The following CES2 variants were observed in gnomAD, a reference collection of about 807,000 sequenced individuals.
CES2 encodes cocaine esterase.
A neutral mutation model predicts 52.1 loss-of-function variants in CES2; 42 were observed. The ratio of observed to expected loss-of-function variants is 0.81; its 90% CI spans 0.63 to 1.04. The LOEUF is 1.04. CES2 is among the 50% of genes least tolerant of loss of function. The pLI is 0.00. For synonymous variants in CES2, 277 were observed against 289.6 expected, an observed-to-expected ratio of 0.96 and a Z score of 0.44; for missense variants, 656 against 724.3, an observed-to-expected ratio of 0.91 and a Z score of 1.08.
Position 66,935,685 on chromosome 16 carries a change from T to G in CES2, c.50T>G (p.Leu17Arg). Reference protein sequence around the residue: ...RARLSAVACGLLLLLVRGQGQ... With the variant: ...RARLSAVACGRLLLLVRGQGQ... ...CGGCTGAGCGCGGTGGCCTGTGGGC[T>G]TCTGCTGCTTCTTGTCCGGGGCCAG... is the stretch of plus-strand genomic sequence containing the variant. The change falls in exon 1 of 12, where the codon CTT becomes CGT. Residue 17 changes from leucine (L) to arginine (R), a missense_variant. By Grantham distance (102) the Leu-to-Arg change is moderately radical. Transcript: ENST00000317091. 1.2e-6 allele frequency: 2 copies of G among 1,601,348 alleles called. No homozygotes were observed. The highest frequency in any genetic ancestry group is 2.2e-5 in the South Asian group (2 of 91,064).
Position 66,943,642 on chromosome 16 carries a change from C to A in CES2, c.1494-197C>A. Reference sequence around the variant, plus strand: ...GAGAGGGACACAACAGAGCTGGCTGCCCTCCCCCAACCCCCACTGGTGCTG... The same window carrying A: ...GAGAGGGACACAACAGAGCTGGCTGACCTCCCCCAACCCCCACTGGTGCTG... On this transcript the variant is annotated intron_variant, in intron 11 of 11. Coordinates refer to ENST00000317091, the MANE Select transcript of CES2 (RefSeq NM_001365405.1). The surrounding 1 kb of genome is among the most constrained non-coding windows in gnomAD (Gnocchi z 4.2). 1.7e-6 allele frequency: 1 copy of A among 580,998 alleles called. No homozygotes were observed. 36.0% of individuals were successfully genotyped at this position (580,998 alleles called of 1,614,324 possible).
chr16:66,936,500 G>A (rs925060930), intron 1 of CES2, among the ~76,000 whole-genome samples: 11 of 152,130 alleles, frequency 7.2e-5, no homozygotes, highest in African/African-American at 2.7e-4. Flanking sequence ...ACTCCAGCCT[G>A]GGTGAAAAAG....
In CES2 at chr16:66,942,208, C is replaced by G; in HGVS notation, c.1241C>G (p.Ser414Cys). ...CAGTTCCAGGAGATGATGGCGGACTCCATGTTTGTGATCCCTGCACTCCAA... is the reference window on the plus strand; with the variant it reads ...CAGTTCCAGGAGATGATGGCGGACTGCATGTTTGTGATCCCTGCACTCCAA... ...QAQFQEMMADSMFVIPALQVA... is the reference protein window; with the variant it reads ...QAQFQEMMADCMFVIPALQVA... Residue 414 changes from serine to cysteine, a missense_variant, in exon 9 of 12, where the codon TCC (serine) becomes TGC (cysteine). Physicochemically the swap from Ser to Cys is moderately radical, Grantham distance 112. Transcript: ENST00000317091. The G allele has an allele frequency of 6.2e-7, 1 of 1,613,750 alleles. No homozygotes were observed. The highest frequency in any genetic ancestry group is 2.2e-5 in the East Asian group (1 of 44,866).
At chr16:66,940,099 G>A in intron 3 of CES2, 123 bp from the exon 4 acceptor site, 1 of 1,369,848 alleles carries the variant, frequency 7.3e-7, no homozygotes, top group Non-Finnish European at 1.0e-6. Context: ...CCCATGTAAT[G>A]AATTTGTGCT....
At chr16:66,940,388 T>A (rs1418472193) in intron 4 of CES2, 33 bp downstream of exon 4, 1 of 1,614,118 alleles carries the variant, frequency 6.2e-7, no homozygotes, top group Non-Finnish European at 8.5e-7. Flanking sequence ...CAACCCGGGC[T>A]GAGCGGGGCC....
At position 66,944,094 on chromosome 16, in the gene CES2, A is replaced by G. The variant is rs8192925; in HGVS notation, c.*69A>G. 43,067 of 746,258 alleles carry G rather than the reference A, an allele frequency of 0.058. 2,182 individuals carry two copies. Among genetic ancestry groups the G allele is most frequent in the East Asian group, 0.22 (7,471 of 34,012 alleles). 46.2% of individuals were successfully genotyped at this position (746,258 alleles called of 1,614,324 possible). A position where few individuals can be genotyped will look rare whatever the true frequency, so the allele number is the denominator to read the frequency against. On this transcript the variant is annotated 3_prime_UTR_variant, in exon 12 of 12. Transcript: ENST00000317091. ...GGGTCAGCCTGCTGTGCCCACACAC[A>G]CCCACTAAGGAGAAAGAAGTTGATT... is the stretch of plus-strand genomic sequence containing the variant.
chr16:66,937,974 C>A, intron 1 of CES2, 63 bp from the exon 2 acceptor site: 1 of 1,373,810 alleles, frequency 7.3e-7, no homozygotes, highest in East Asian at 2.3e-5. Flanking sequence ...GCAGCAATAC[C>A]AACAGTTGGG....
At chr16:66,936,850 G>C (rs1963229379) in intron 1 of CES2, among the ~76,000 whole-genome samples, 1 of 152,086 alleles carries the variant, frequency 6.6e-6, no homozygotes, top group Non-Finnish European at 1.5e-5. Flanking sequence ...CAGGAGCCCA[G>C]CAGGAAGATC....
chr16:66,939,328 G>C lies in CES2; in HGVS notation c.393G>C (p.Pro131=), dbSNP rs1415132985. 3.1e-6 allele frequency: 5 copies of C among 1,614,036 alleles called. No individual in the cohort carries two copies. Among genetic ancestry groups the C allele is most frequent in the Non-Finnish European group, 3.4e-6 (4 of 1,180,036 alleles). ...EDCLYLSIYT[P]AHSHEGSNLP... ...GCCTGTACCTCAGCATCTACACGCC[G>C]GCCCATAGCCATGAAGGCTCTAACC... is the stretch of plus-strand genomic sequence containing the variant. Residue 131 remains proline, a synonymous_variant, in exon 3 of 12, where the codon CCG becomes CCC. Transcript: ENST00000317091.
chr16:66,942,354 T>C lies in CES2; in HGVS notation c.1282+105T>C, dbSNP rs1963388378. 4 of 1,211,088 alleles carry C rather than the reference T, an allele frequency of 3.3e-6. No homozygotes were observed. The East Asian group carries it at 7.1e-5, about 21-fold the overall frequency. 75.0% of individuals were successfully genotyped at this position (1,211,088 alleles called of 1,614,324 possible). A position where few individuals can be genotyped will look rare whatever the true frequency, so the allele number is the denominator to read the frequency against. The stretch of plus-strand genomic sequence containing the variant: ...GGGTCAGCACTCATGTTTATTGGGC[T>C]CCGGGGACACTTGACATCCATCATT... On this transcript the variant is annotated intron_variant, in intron 9 of 11. Coordinates refer to ENST00000317091, the MANE Select transcript of CES2 (RefSeq NM_001365405.1).
intron 2 of CES2, 105 bp from the exon 3 acceptor site, chr16:66,939,112 G>A: frequency 1.1e-6 from 1 of 914,900 alleles, no homozygotes; most frequent in Non-Finnish European, 1.7e-6. Context: ...GTGTGAGCAG[G>A]ATATTGTGGG....
At chr16:66,942,454 A>G in intron 9 of CES2, 194 bp from the exon 10 acceptor site, 1 of 783,068 alleles carries the variant, frequency 1.3e-6, no homozygotes, top group Non-Finnish European at 2.0e-6. Context: ...GAAGTTAGGG[A>G]CCTTCAGTGA....
rs904979192 is a variant in CES2 at position 66,935,557 on chromosome 16, C to T, written c.-79C>T. The T allele has an allele frequency of 6.2e-7, 1 of 1,613,966 alleles. No homozygotes were observed. Among genetic ancestry groups the T allele is most frequent in the South Asian group, 1.1e-5 (1 of 91,090 alleles). On this transcript the variant is annotated 5_prime_UTR_variant, in exon 1 of 12. Transcript: ENST00000317091. The stretch of plus-strand genomic sequence containing the variant: ...CAAGGCTGGGCAAGGCACTGATCCA[C>T]TGCTGGACAGACCCGGGGCAGCCTC...
At chr16:66,940,747 C>T (rs1414789893) in intron 5 of CES2, 52 bp downstream of exon 5, 2 of 1,580,702 alleles carry the variant, frequency 1.3e-6, no homozygotes, top group Non-Finnish European at 8.6e-7. Flanking sequence ...CCTCATATCC[C>T]TCAGAGCCTC....
chr16:66,940,331 GCCTGGGTGT>G lies in CES2; in HGVS notation c.540_548del (p.Val181_Gly183del). 1 of 1,614,140 alleles carries G rather than the reference GCCTGGGTGT, an allele frequency of 6.2e-7. No homozygotes were observed. Among genetic ancestry groups the G allele is most frequent in the Non-Finnish European group, 8.5e-7 (1 of 1,180,020 alleles). On this transcript the variant is annotated inframe_deletion, in exon 4 of 12. Transcript: ENST00000317091. ...GTGGTGGTGGTCATCATCCAGTACCGCCTGGGTGTCCTGGGCTTCTTCAGGTGAGACTAG... is the reference window on the plus strand; with the variant it reads ...GTGGTGGTGGTCATCATCCAGTACCGCCTGGGCTTCTTCAGGTGAGACTAG...
Position 66,941,568 on chromosome 16 carries a change from G to C in CES2, c.978G>C (p.Leu326=), listed in dbSNP as rs1380911541. The C allele has an allele frequency of 6.2e-7, 1 of 1,614,148 alleles. No homozygotes were observed. ...TCCTGCCCAGGCACCCCCAGGAGCT[G>C]CTGGCCTCTGCCGACTTTCAGCCTG... is the stretch of plus-strand genomic sequence containing the variant. The part of the protein sequence containing the change: ...GVFLPRHPQE[L]LASADFQPVP... Residue 326 remains leucine (L), a synonymous_variant, in exon 7 of 12, where the codon CTG becomes CTC. Transcript: ENST00000317091.
rs1963264969 is a variant in CES2 at position 66,938,219 on chromosome 16, G to A, written c.259G>A (p.Asp87Asn). The change falls in exon 2 of 12, where the codon GAT becomes AAT. Residue 87 changes from aspartate to asparagine, a missense_variant. Asp to Asn is a conservative substitution (Grantham distance 23). Transcript: ENST00000317091. ...CCCTGAATCTTGGAGTGGTGTGAGG[G>A]ATGGAACCACCCATCCGGCCATGTA... ...EPPESWSGVR[D>N]GTTHPAMCLQ... The A allele has an allele frequency of 2.5e-6, 4 of 1,613,984 alleles. No individual in the cohort carries two copies. The highest frequency in any genetic ancestry group is 3.4e-6 in the Non-Finnish European group (4 of 1,179,844).
Position 66,942,713 on chromosome 16 carries a change from C to T in CES2, c.1348C>T (p.Pro450Ser). The T allele has an allele frequency of 1.2e-6, 2 of 1,614,238 alleles. No individual in the cohort carries two copies. Among genetic ancestry groups the T allele is most frequent in the Non-Finnish European group, 1.7e-6 (2 of 1,180,046 alleles). The change falls in exon 10 of 12, where the codon CCA (proline) becomes TCA (serine). Residue 450 changes from proline to serine, a missense_variant. Transcript: ENST00000317091. ...GCCCAGCTGGCTCAAGAACATCAGGCCACCGCACATGAAGGCAGACCATGG... is the reference window on the plus strand; with the variant it reads ...GCCCAGCTGGCTCAAGAACATCAGGTCACCGCACATGAAGGCAGACCATGG... ...HQPSWLKNIR[P>S]PHMKADHGDE...
rs747007078 is a variant in CES2, at chr16:66,935,686, T to C, written c.51T>C (p.Leu17=). 33 of 1,601,208 alleles carry C rather than the reference T, an allele frequency of 2.1e-5. No individual in the cohort carries two copies. Among genetic ancestry groups the C allele is most frequent in the African/African-American group, 2.7e-5 (2 of 74,894 alleles). ...RARLSAVACG[L]LLLLVRGQGQ... Reference sequence around the variant, plus strand: ...GGCTGAGCGCGGTGGCCTGTGGGCTTCTGCTGCTTCTTGTCCGGGGCCAGG... The same window carrying C: ...GGCTGAGCGCGGTGGCCTGTGGGCTCCTGCTGCTTCTTGTCCGGGGCCAGG... Residue 17 remains leucine (L), a synonymous_variant, in exon 1 of 12, where the codon CTT becomes CTC. Coordinates refer to ENST00000317091, the MANE Select transcript of CES2 (RefSeq NM_001365405.1).
Sources: gnomAD v4.1 joint callset for allele counts (sites outside exome capture counted in the v4.1 genomes callset) on GRCh38, gnomAD v4.1.1 for gene constraint, Gnocchi (gnomAD v3.1) non-coding constraint, MANE v1.5 for transcripts, NCBI Gene and HGNC (gene_info 2026-07-23, HGNC 2026-07-21) for gene names.